Variants in RPS6KC1 observed in about 807,000 individuals in gnomAD.
RPS6KC1 encodes the protein ribosomal protein S6 kinase C1.
RPS6KC1 carries 54 observed loss-of-function variants against 103.8 expected under a neutral mutation model. That is an observed-to-expected ratio of 0.52 (90% confidence interval 0.42 to 0.65). RPS6KC1 has a LOEUF of 0.65. Ranked by LOEUF, RPS6KC1 falls within the 30% of genes least tolerant of loss-of-function variation. The pLI, the probability that RPS6KC1 is intolerant of heterozygous loss-of-function variation, is 0.00. For missense variants in RPS6KC1, 1,151 were observed against 1,253.8 expected (o/e 0.92, Z 1.24); for synonymous variants, 439 against 438.7 (o/e 1.00, Z -0.01).
chr1:213,589,006 C>T, the RPS6KC1 span, among the ~76,000 whole-genome samples: 2 of 152,218 alleles, frequency 1.3e-5, no homozygotes, highest in South Asian at 4.1e-4. Context: ...GGTATAGCAG[C>T]CCTATTTTGG....
chr1:213,659,215 T>C, the RPS6KC1 span, among the ~76,000 whole-genome samples: 3 of 152,128 alleles, frequency 2.0e-5, no homozygotes, highest in Non-Finnish European at 4.4e-5. Context: ...TCCACCCGAC[T>C]TGGCCTCCCA....
At chr1:213,380,144 G>A in the RPS6KC1 span, among the ~76,000 whole-genome samples, 50 of 152,250 alleles carry the variant, frequency 3.3e-4, no homozygotes, top group Non-Finnish European at 5.4e-4. Flanking sequence ...CTATGCAGCC[G>A]CAAAAAGGAA....
At chr1:213,861,668 G>A in the RPS6KC1 span, among the ~76,000 whole-genome samples, 1 of 152,160 alleles carries the variant, frequency 6.6e-6, no homozygotes, top group African/African-American at 2.4e-5. Flanking sequence ...CGCTTCCTCA[G>A]GCAGGAGGAA....
At chr1:213,254,378 TTCACTTACCACCAGG>T (rs2094598428) in intron 12 of RPS6KC1, among the ~76,000 whole-genome samples, 1 of 152,196 alleles carries the variant, frequency 6.6e-6, no homozygotes, top group African/African-American at 2.4e-5. Flanking sequence ...CCTGATTCAT[TTCACTTACCACCAGG>T]TAATTAATCT....
chr1:213,524,145 G>A, the RPS6KC1 span, among the ~76,000 whole-genome samples: 1 of 152,178 alleles, frequency 6.6e-6, no homozygotes, highest in Non-Finnish European at 1.5e-5. Flanking sequence ...GCCCATAGCA[G>A]GTTGATGGCT....
the RPS6KC1 span, among the ~76,000 whole-genome samples, chr1:213,498,773 T>C: frequency 2.3e-5 from 1 of 42,972 alleles, no homozygotes; most frequent in Non-Finnish European, 4.5e-5. Flanking sequence ...TTTTCTAAGA[T>C]TTTTTTTTTT....
chr1:213,814,129 G>A, the RPS6KC1 span, among the ~76,000 whole-genome samples: 17 of 152,380 alleles, frequency 1.1e-4, no homozygotes, highest in African/African-American at 4.1e-4. Context: ...CAGAGGCAGT[G>A]ATGTGAGTTC....
the RPS6KC1 span, among the ~76,000 whole-genome samples, chr1:213,409,157 G>A: frequency 1.3e-5 from 2 of 152,082 alleles, no homozygotes; most frequent in Admixed American, 1.3e-4. Flanking sequence ...GCCTTTCCAG[G>A]GCAGGTCCCA....
chr1:213,719,131 C>G, the RPS6KC1 span, among the ~76,000 whole-genome samples: 1 of 152,240 alleles, frequency 6.6e-6, no homozygotes, highest in Non-Finnish European at 1.5e-5. Flanking sequence ...GCAGTGCCTA[C>G]TTCCAAACCA....
chr1:213,586,723 A>G, the RPS6KC1 span, among the ~76,000 whole-genome samples: 1 of 152,124 alleles, frequency 6.6e-6, no homozygotes, highest in Non-Finnish European at 1.5e-5. Context: ...GCCTCAAAAC[A>G]AGGAAGTAGG....
chr1:213,610,881 A>G, the RPS6KC1 span, among the ~76,000 whole-genome samples: 1 of 152,226 alleles, frequency 6.6e-6, no homozygotes, highest in African/African-American at 2.4e-5. Flanking sequence ...CGCAGGAACA[A>G]TGAAGACCCT....
chr1:213,449,979 G>A, the RPS6KC1 span, among the ~76,000 whole-genome samples: 2 of 152,148 alleles, frequency 1.3e-5, no homozygotes, highest in Non-Finnish European at 2.9e-5. Context: ...ATGGAGACCT[G>A]CTTTCCCCTC....
the RPS6KC1 span, among the ~76,000 whole-genome samples, chr1:213,365,256 CAG>C: frequency 3.9e-5 from 6 of 152,222 alleles, no homozygotes; most frequent in Non-Finnish European, 7.3e-5. Context: ...CAGTCATAAA[CAG>C]AGTTACCAAG....
the RPS6KC1 span, among the ~76,000 whole-genome samples, chr1:213,281,728 G>C: frequency 6.6e-6 from 1 of 152,178 alleles, no homozygotes; most frequent in African/African-American, 2.4e-5. Context: ...GGGCTATCAT[G>C]GTTTGAGGGA....
the RPS6KC1 span, among the ~76,000 whole-genome samples, chr1:213,807,345 A>C: frequency 6.6e-6 from 1 of 152,126 alleles, no homozygotes; most frequent in Non-Finnish European, 1.5e-5. Flanking sequence ...AGATTGGGGA[A>C]TTTCTCCTGG....
the RPS6KC1 span, among the ~76,000 whole-genome samples, chr1:213,630,369 A>G: frequency 6.6e-6 from 1 of 152,172 alleles, no homozygotes; most frequent in African/African-American, 2.4e-5. Context: ...AGTTGATCAA[A>G]TCGGCTACTG....
the RPS6KC1 span, among the ~76,000 whole-genome samples, chr1:213,566,875 A>G: frequency 6.6e-6 from 1 of 151,896 alleles, no homozygotes; most frequent in Non-Finnish European, 1.5e-5. Context: ...GTTTATTTTA[A>G]GTGGATGTTA....
At chr1:213,082,558 T>A (rs140937174) in intron 3 of RPS6KC1, among the ~76,000 whole-genome samples, 2 of 152,212 alleles carry the variant, frequency 1.3e-5, no homozygotes, top group African/African-American at 4.8e-5. Flanking sequence ...ATCCCTCTTA[T>A]GTAGTTGCAG....
chr1:213,656,521 A>G, the RPS6KC1 span, among the ~76,000 whole-genome samples: 1 of 152,240 alleles, frequency 6.6e-6, no homozygotes, highest in Admixed American at 6.5e-5. Context: ...CCTTAATGAT[A>G]GAATCCAATC....
Sources: allele counts gnomAD v4.1 joint callset (sites outside exome capture counted in the v4.1 genomes callset), GRCh38; gene constraint gnomAD v4.1.1; transcripts MANE v1.5; gene names NCBI Gene and HGNC (gene_info 2026-07-23, HGNC 2026-07-21).